Variants in PRMT8 observed in about 807,000 individuals in gnomAD.
The protein encoded by PRMT8 is protein arginine methyltransferase 8, also known as protein arginine N-methyltransferase 8.
A neutral mutation model predicts 47.1 loss-of-function variants in PRMT8; 7 were observed. That is an observed-to-expected ratio of 0.15 (90% CI 0.08 to 0.28). The LOEUF is 0.28. Among genes scored for constraint, PRMT8 ranks in the 10% least tolerant of loss-of-function variants. The pLI is 1.00. For synonymous variants in PRMT8, 188 were observed against 186.5 expected, an observed-to-expected ratio of 1.01 and a Z score of -0.07; for missense variants, 237 against 505.4, an observed-to-expected ratio of 0.47 and a Z score of 5.09.
In PRMT8 at chr12:3,493,489, C is replaced by G. The variant is rs1226324733; in HGVS notation, c.75+1789C>G. On this transcript the variant is annotated intron_variant, in intron 1 of 9. Coordinates refer to ENST00000382622, the MANE Select transcript of PRMT8 (RefSeq NM_019854.5). The surrounding 1 kb of genome is among the most constrained non-coding windows in gnomAD (Gnocchi z 8.2). ...CCTGCATTTCCACCTCACCCCACCC[C>G]CGGCTCATTTTTCTAAGAAAAAGTT... Among the ~76,000 whole-genome samples the G allele has an allele frequency of 6.6e-6, 1 of 152,230 alleles. No individual in the cohort carries two copies. The highest frequency in any genetic ancestry group is 1.5e-5 in the Non-Finnish European group (1 of 68,050).
chr12:3,551,548 C>G (rs549798262), intron 3 of PRMT8: 1 of 152,270 alleles, frequency 6.6e-6, no homozygotes. Context: ...GTGTCCCTGG[C>G]GCCTGAGTCA....
upstream of PRMT8, among the ~76,000 whole-genome samples, chr12:3,486,218 G>T (rs1865321759): frequency 6.6e-6 from 1 of 152,016 alleles, no homozygotes; most frequent in African/African-American, 2.4e-5. Flanking sequence ...AGCCTCCAGG[G>T]TCTCCCGGTC....
chr12:3,576,011 A>T lies in PRMT8; in HGVS notation c.713-860A>T, dbSNP rs1866937015. On this transcript the variant is annotated intron_variant, in intron 6 of 9. Coordinates refer to ENST00000382622, the MANE Select transcript of PRMT8 (RefSeq NM_019854.5). The surrounding 1 kb of genome is among the most constrained non-coding windows in gnomAD (Gnocchi z 4.0). Reference sequence around the variant, plus strand: ...GATGGAGCCAGTCTCTGTCTCCAAAAAAAGAAAAAGATAGCAATTATTACC... The same window carrying T: ...GATGGAGCCAGTCTCTGTCTCCAAATAAAGAAAAAGATAGCAATTATTACC... Among the ~76,000 whole-genome samples the T allele has an allele frequency of 6.6e-6, 1 of 152,204 alleles. No homozygotes were observed. Among genetic ancestry groups the T allele is most frequent in the African/African-American group, 2.4e-5 (1 of 41,446 alleles).
In PRMT8 at chr12:3,572,666, G is replaced by A. The variant is rs1013323386; in HGVS notation, c.712+3102G>A. On this transcript the variant is annotated intron_variant, in intron 6 of 9. Coordinates refer to ENST00000382622, the MANE Select transcript of PRMT8 (RefSeq NM_019854.5). The surrounding 1 kb of genome is among the most constrained non-coding windows in gnomAD (Gnocchi z 5.9). The stretch of plus-strand genomic sequence containing the variant: ...TGCAAGGATTCCACTTTCTTCATGA[G>A]AGCCTAAAATGTGTCAATCTAGTGT... Among the ~76,000 whole-genome samples, 3 of 152,200 alleles carry A rather than the reference G, an allele frequency of 2.0e-5. No individual in the cohort carries two copies. The highest frequency in any genetic ancestry group is 6.5e-5 in the Admixed American group (1 of 15,278).
At chr12:3,407,769 T>C (rs1391923931) in intron 1 of PRMT8, among the ~76,000 whole-genome samples, 6 of 152,218 alleles carry the variant, frequency 3.9e-5, no homozygotes, top group Non-Finnish European at 8.8e-5. Context: ...CATTGCTTAA[T>C]GGTGCATCAT....
Position 3,493,203 on chromosome 12 carries a change from C to T in PRMT8, c.75+1503C>T, listed in dbSNP as rs114203035. Among the ~76,000 whole-genome samples the T allele has an allele frequency of 6.6e-6, 1 of 152,170 alleles. No homozygotes were observed. The highest frequency in any genetic ancestry group is 2.4e-5 in the African/African-American group (1 of 41,444). On this transcript the variant is annotated intron_variant, in intron 1 of 9. Transcript: ENST00000382622. This position sits in a 1 kb window ranked among gnomAD's most constrained non-coding sequence, Gnocchi z 8.2. ...GGGCAAAGCCTGCGTGCCCGCCGTC[C>T]CCTCACCACTTCCTCTTCCCCAGCC...
At chr12:3,549,224 T>C (rs938337205) in intron 2 of PRMT8, among the ~76,000 whole-genome samples, 2 of 152,174 alleles carry the variant, frequency 1.3e-5, no homozygotes, top group African/African-American at 4.8e-5. Flanking sequence ...TCAAAGCCCT[T>C]TTACTGAACC....
rs375919772 is a variant in PRMT8, at chr12:3,570,264, T to C, written c.712+700T>C. On this transcript the variant is annotated intron_variant, in intron 6 of 9. Transcript: ENST00000382622. This position sits in a 1 kb window ranked among gnomAD's most constrained non-coding sequence, Gnocchi z 5.5. ...TTTTACCTGGTCTGAAAAGGGCTGT[T>C]ATCCTATTTCTCGTAAAGGGTGACA... Among the ~76,000 whole-genome samples, 15 of 152,342 alleles carry C rather than the reference T, an allele frequency of 9.8e-5. 1 individual carries two copies. Among genetic ancestry groups the C allele is most frequent in the Admixed American group, 4.6e-4 (7 of 15,296 alleles).
At chr12:3,449,006 C>A (rs1864889352) in intron 1 of PRMT8, among the ~76,000 whole-genome samples, 1 of 152,144 alleles carries the variant, frequency 6.6e-6, no homozygotes, top group African/African-American at 2.4e-5. Flanking sequence ...TCTGTTCCTG[C>A]ATTAGTTTGC....
At chr12:3,460,084 G>C (rs1326489309) in intron 1 of PRMT8, among the ~76,000 whole-genome samples, 1 of 152,174 alleles carries the variant, frequency 6.6e-6, no homozygotes, top group African/African-American at 2.4e-5. Context: ...ATTTACCCTT[G>C]AAGTCTTAAC....
intron 1 of PRMT8, among the ~76,000 whole-genome samples, chr12:3,420,309 C>T (rs1864528146): frequency 6.6e-6 from 1 of 152,182 alleles, no homozygotes; most frequent in Admixed American, 6.5e-5. Flanking sequence ...GAGTGAGTCA[C>T]TTAATGTAAT....
intron 1 of PRMT8, among the ~76,000 whole-genome samples, chr12:3,505,994 G>A (rs1865618370): frequency 6.6e-6 from 1 of 152,208 alleles, no homozygotes; most frequent in Non-Finnish European, 1.5e-5. Flanking sequence ...GGGCTCTTCT[G>A]GAGGGCAGGA....
chr12:3,510,647 G>T (rs1865697516), intron 1 of PRMT8, among the ~76,000 whole-genome samples: 1 of 152,042 alleles, frequency 6.6e-6, no homozygotes, highest in African/African-American at 2.4e-5. Context: ...TGCCAGTACT[G>T]CAGGGCCTGG....
intron 1 of PRMT8, among the ~76,000 whole-genome samples, chr12:3,423,410 G>A (rs985570495): frequency 6.6e-6 from 1 of 152,184 alleles, no homozygotes; most frequent in African/African-American, 2.4e-5. Flanking sequence ...ATGTAAATGG[G>A]GGTCTGGTAT....
intron 1 of PRMT8, among the ~76,000 whole-genome samples, chr12:3,519,883 T>C (rs552488087): frequency 5.3e-5 from 8 of 152,304 alleles, no homozygotes; most frequent in African/African-American, 1.9e-4. Context: ...TGTTGCCAAA[T>C]TGTCAACAAA....
At chr12:3,459,600 G>C (rs939093584) in intron 1 of PRMT8, among the ~76,000 whole-genome samples, 20 of 152,266 alleles carry the variant, frequency 1.3e-4, no homozygotes, top group African/African-American at 4.6e-4. Context: ...TGACAAATTT[G>C]GCAAAGAAAG....
chr12:3,514,981 C>A lies in PRMT8; in HGVS notation c.75+23281C>A, dbSNP rs1302367265. On this transcript the variant is annotated intron_variant, in intron 1 of 9. Transcript: ENST00000382622. This position sits in a 1 kb window ranked among gnomAD's most constrained non-coding sequence, Gnocchi z 5.9. Reference sequence around the variant, plus strand: ...GAAATTATGGATGCCATTCATCCAGCACTTGCTATGTGCCAGGCACTTTTC... The same window carrying A: ...GAAATTATGGATGCCATTCATCCAGAACTTGCTATGTGCCAGGCACTTTTC... Among the ~76,000 whole-genome samples, 1 of 152,238 alleles carries A rather than the reference C, an allele frequency of 6.6e-6. No individual in the cohort carries two copies.
At chr12:3,494,355 T>C (rs1865472022) in intron 1 of PRMT8, among the ~76,000 whole-genome samples, 1 of 152,220 alleles carries the variant, frequency 6.6e-6, no homozygotes, top group African/African-American at 2.4e-5. Context: ...TCCTGTGAGA[T>C]AAGCAAAGAT....
In PRMT8 at chr12:3,403,080, G is replaced by A. The variant is rs144965219; in HGVS notation, c.48+21638G>A. ...GGAATCCACCTAAATGCCCATCAGTGATAGACTGGATAAAGAAAATATGCT... is the reference window on the plus strand; with the variant it reads ...GGAATCCACCTAAATGCCCATCAGTAATAGACTGGATAAAGAAAATATGCT... On this transcript the variant is annotated intron_variant, in intron 1 of 9. Coordinates refer to the PRMT8 transcript ENST00000452611. Among the ~76,000 whole-genome samples the A allele has an allele frequency of 4.9e-3, 743 of 152,304 alleles. 9 individuals carry two copies. Among genetic ancestry groups the A allele is most frequent in the African/African-American group, 0.017 (711 of 41,550 alleles).
Sources: allele counts gnomAD v4.1 joint callset (sites outside exome capture counted in the v4.1 genomes callset), GRCh38; gene constraint gnomAD v4.1.1; non-coding constraint Gnocchi (gnomAD v3.1); transcripts MANE v1.5; gene names NCBI Gene and HGNC (gene_info 2026-07-23, HGNC 2026-07-21).